The following ZFHX3 variants were observed in gnomAD, a reference collection of about 807,000 sequenced individuals.
ZFHX3 encodes the protein zinc finger homeobox protein 3.
ZFHX3 carries 42 observed loss-of-function variants against 279.1 expected under a neutral mutation model. The observed-to-expected ratio is 0.15, with a 90% CI of 0.12 to 0.19. The LOEUF (loss-of-function observed/expected upper bound fraction) is 0.19, where lower values mean the gene tolerates loss of function less well. ZFHX3 is among the 10% of genes least tolerant of loss of function. The probability of loss-of-function intolerance (pLI) is 1.00; values close to 1 mark genes in which losing one functional copy is unlikely to be tolerated. For missense variants in ZFHX3, 4,981 were observed against 4,754.0 expected (o/e 1.05, Z -1.40); for synonymous variants, 2,293 against 1,957.8 (o/e 1.17, Z -4.52).
rs2035203621 is a variant in ZFHX3 at position 72,783,302 on chromosome 16, A to G, written c.*3862T>C. 1 of 151,836 alleles carries G rather than the reference A, an allele frequency of 6.6e-6. No homozygotes were observed. The highest frequency in any genetic ancestry group is 1.5e-5 in the Non-Finnish European group (1 of 67,908). The allele number at this position is 151,836 out of a possible 1,614,324, so 9.4% of individuals were successfully genotyped here. The stretch of plus-strand genomic sequence containing the variant: ...AAACTTGCCCCCCTCCCCCCTGAAG[A>G]AAGTAAACAAACAAAAAACTAGTCA... On this transcript the variant is annotated 3_prime_UTR_variant, in exon 10 of 10. Coordinates refer to ENST00000268489, the MANE Select transcript of ZFHX3 (RefSeq NM_006885.4).
chr16:73,775,674 T>C (rs1959226409), intron 1 of ZFHX3, among the ~76,000 whole-genome samples: 1 of 152,196 alleles, frequency 6.6e-6, no homozygotes, highest in Non-Finnish European at 1.5e-5. Context: ...GTAGTAATTA[T>C]TCGGCTCTAC....
At chr16:73,800,276 G>C (rs1446976102) in intron 1 of ZFHX3, among the ~76,000 whole-genome samples, 1 of 151,636 alleles carries the variant, frequency 6.6e-6, no homozygotes, top group African/African-American at 2.4e-5. Context: ...GGAGCACAGT[G>C]ACGCAATTTC....
At chr16:73,689,644 G>A (rs2053126760) in intron 1 of ZFHX3, among the ~76,000 whole-genome samples, 1 of 152,120 alleles carries the variant, frequency 6.6e-6, no homozygotes. Flanking sequence ...AGCATGGCAG[G>A]TCCATGAGAA....
intron 1 of ZFHX3, among the ~76,000 whole-genome samples, chr16:73,801,270 C>G (rs1271331714): frequency 6.6e-6 from 1 of 152,164 alleles, no homozygotes; most frequent in Non-Finnish European, 1.5e-5. Flanking sequence ...CTGAGCAATT[C>G]AAACCAGTTC....
intron 1 of ZFHX3, among the ~76,000 whole-genome samples, chr16:72,976,503 A>G (rs1962353290): frequency 6.6e-6 from 1 of 152,210 alleles, no homozygotes; most frequent in South Asian, 2.1e-4. Context: ...GAGTGCCTAC[A>G]ACATACACAG....
chr16:73,467,799 A>T (rs2018598924), intron 2 of ZFHX3, among the ~76,000 whole-genome samples: 1 of 152,212 alleles, frequency 6.6e-6, no homozygotes, highest in Admixed American at 6.5e-5. Context: ...AGCAGCTGGC[A>T]GAATGGTGAA....
upstream of ZFHX3, chr16:73,061,416 G>A (rs567158747): frequency 2.1e-5 from 3 of 144,876 alleles, no homozygotes; most frequent in Non-Finnish European, 4.5e-5. Context: ...CATTCCTACA[G>A]TCCAAACACA....
Position 72,995,263 on chromosome 16 carries a change from A to G in ZFHX3, c.-49-35069T>C, listed in dbSNP as rs568893185. ...CATGTCAATTAAAGGGGTCACCATAAACAAGCTGTTCAAACTTTCCCCTCC... is the reference window on the plus strand; with the variant it reads ...CATGTCAATTAAAGGGGTCACCATAGACAAGCTGTTCAAACTTTCCCCTCC... On this transcript the variant is annotated intron_variant, in intron 1 of 9. Transcript: ENST00000268489. Among the ~76,000 whole-genome samples, 13 of 152,246 alleles carry G rather than the reference A, an allele frequency of 8.5e-5. No individual in the cohort carries two copies. The East Asian group carries it at 2.5e-3, about 29-fold the overall frequency.
intron 1 of ZFHX3, among the ~76,000 whole-genome samples, chr16:73,753,986 A>ATGTGTGTGTGTGTG (rs1310925312): frequency 0.32 from 46,934 of 147,200 alleles, 8,048 homozygotes; most frequent in East Asian, 0.68. Flanking sequence ...GTAAGAATCA[A>ATGTGTGTGTGTGTG]TGTGTGTGTG....
intron 1 of ZFHX3, among the ~76,000 whole-genome samples, chr16:73,744,193 C>T (rs999005733): frequency 2.0e-5 from 3 of 152,172 alleles, no homozygotes; most frequent in Non-Finnish European, 4.4e-5. Flanking sequence ...CATGATCTCT[C>T]GTGACGTACA....
At chr16:72,995,430 AG>A (rs1464075550) in intron 1 of ZFHX3, among the ~76,000 whole-genome samples, 1 of 152,212 alleles carries the variant, frequency 6.6e-6, no homozygotes, top group Non-Finnish European at 1.5e-5. Context: ...AAGTCTATAA[AG>A]TAATTTAAAT....
intron 1 of ZFHX3, among the ~76,000 whole-genome samples, chr16:73,711,964 G>A (rs2053367451): frequency 6.6e-6 from 1 of 152,212 alleles, no homozygotes; most frequent in South Asian, 2.1e-4. Flanking sequence ...AGCCCAAACA[G>A]CCCAGGCAGG....
At chr16:73,887,705 A>T (rs2030393148) in intron 1 of ZFHX3, among the ~76,000 whole-genome samples, 1 of 152,182 alleles carries the variant, frequency 6.6e-6, no homozygotes, top group African/African-American at 2.4e-5. Context: ...AATAAATAGT[A>T]ATAATAATTT....
intron 3 of ZFHX3, among the ~76,000 whole-genome samples, chr16:73,360,246 G>A (rs769338696): frequency 9.8e-5 from 15 of 152,326 alleles, no homozygotes; most frequent in African/African-American, 1.2e-4. Context: ...CGTGAGTTGC[G>A]TATAGACTAA....
At chr16:73,664,213 C>A (rs3956052) in intron 2 of ZFHX3, among the ~76,000 whole-genome samples, 90,382 of 142,818 alleles carry the variant, frequency 0.63, 28,358 homozygotes, top group Middle Eastern at 0.83. Context: ...GTATTGCTGA[C>A]CTTTTTCTGC....
intron 4 of ZFHX3, among the ~76,000 whole-genome samples, chr16:73,284,888 G>T (rs981379508): frequency 1.3e-5 from 2 of 152,064 alleles, no homozygotes; most frequent in Non-Finnish European, 2.9e-5. Flanking sequence ...TGTTGCTCAG[G>T]CTGGAGAGCA....
intron 1 of ZFHX3, among the ~76,000 whole-genome samples, chr16:73,875,750 CTTAT>C (rs1269321480): frequency 2.0e-5 from 3 of 152,108 alleles, no homozygotes; most frequent in Non-Finnish European, 4.4e-5. Context: ...AACCGGATTG[CTTAT>C]TTTACACACA....
intron 1 of ZFHX3, among the ~76,000 whole-genome samples, chr16:73,816,335 C>T (rs574366701): frequency 2.6e-4 from 40 of 152,122 alleles, no homozygotes; most frequent in Non-Finnish European, 4.6e-4. Context: ...GTTAACTTTG[C>T]CATGTATGTT....
Position 73,461,669 on chromosome 16 carries a change from AC to A in ZFHX3, c.-1546-5412del, listed in dbSNP as rs534718121. Among the ~76,000 whole-genome samples, 15 of 152,276 alleles carry A rather than the reference AC, an allele frequency of 9.9e-5. No individual in the cohort carries two copies. In the South Asian group the frequency reaches 2.9e-3, roughly 29 times the overall value. On this transcript the variant is annotated intron_variant, in intron 2 of 17. Transcript: ENST00000641206. ...CTTTCCTCCACTGAACTGCTTTTAT[AC>A]CTTTGTCAAAAATCATTTGTAAGTA...
Sources: allele counts gnomAD v4.1 joint callset (sites outside exome capture counted in the v4.1 genomes callset), GRCh38; gene constraint gnomAD v4.1.1; transcripts MANE v1.5; gene names NCBI Gene and HGNC (gene_info 2026-07-23, HGNC 2026-07-21).